The following ERMP1 variants were observed in gnomAD, a reference collection of about 807,000 sequenced individuals.
ERMP1 encodes the protein endoplasmic reticulum metallopeptidase 1, also known as Felix-ina.
ERMP1 carries 86 observed loss-of-function variants against 92.0 expected under a neutral mutation model. That is an observed-to-expected ratio of 0.93 (90% confidence interval 0.79 to 1.12). The LOEUF (loss-of-function observed/expected upper bound fraction) is 1.12. ERMP1 is among the 50% of genes most tolerant of loss of function. ERMP1 has a pLI of 0.00. For synonymous variants in ERMP1, 530 were observed against 412.8 expected (o/e 1.28, Z -3.44); for missense variants, 1,342 against 1,116.3 (o/e 1.20, Z -2.88).
At chr9:5,790,859 G>C (rs1050225569) in intron 13 of ERMP1, among the ~76,000 whole-genome samples, 3 of 152,150 alleles carry the variant, frequency 2.0e-5, no homozygotes, top group Non-Finnish European at 4.4e-5. Flanking sequence ...CATCAATTGA[G>C]CTTTGTGGGG....
intron 10 of ERMP1, among the ~76,000 whole-genome samples, chr9:5,804,513 T>C (rs1450740700): frequency 4.6e-5 from 7 of 152,214 alleles, no homozygotes; most frequent in African/African-American, 1.7e-4. Context: ...AAGGCACGTT[T>C]GGGTGTCATA....
intron 13 of ERMP1, among the ~76,000 whole-genome samples, chr9:5,788,017 A>G (rs1205535212): frequency 6.6e-6 from 1 of 152,232 alleles, no homozygotes; most frequent in Non-Finnish European, 1.5e-5. Context: ...ACCTTAAAAT[A>G]TGTTTTACTA....
intron 4 of ERMP1, among the ~76,000 whole-genome samples, chr9:5,823,376 C>T (rs1225996100): frequency 6.6e-6 from 1 of 152,152 alleles, no homozygotes; most frequent in East Asian, 1.9e-4. Context: ...CTGTTACATA[C>T]ACTACAGGTA....
chr9:5,790,847 C>T (rs1473193922), intron 13 of ERMP1, among the ~76,000 whole-genome samples: 2 of 152,078 alleles, frequency 1.3e-5, no homozygotes, highest in Admixed American at 6.5e-5. Flanking sequence ...CAGTACAAGA[C>T]ACATCAATTG....
At chr9:5,798,170 A>T (rs147754313) in intron 12 of ERMP1, among the ~76,000 whole-genome samples, 60 of 152,290 alleles carry the variant, frequency 3.9e-4, no homozygotes, top group Non-Finnish European at 5.9e-4. Context: ...ATTTCTTCTC[A>T]TCCAGTCCTT....
chr9:5,853,893 G>A (rs1830340197), intron 6 of ERMP1, among the ~76,000 whole-genome samples: 1 of 151,308 alleles, frequency 6.6e-6, no homozygotes, highest in Non-Finnish European at 1.5e-5. Context: ...AGGGTGGTGA[G>A]ACTCTCTGTC....
intron 9 of ERMP1, 23 bp from the exon 10 acceptor site, chr9:5,805,240 C>T (rs749546132): frequency 1.7e-5 from 26 of 1,563,896 alleles, no homozygotes; most frequent in Non-Finnish European, 1.8e-5. Context: ...AGAAAAAAAG[C>T]ACACATCTAT....
intron 6 of ERMP1, among the ~76,000 whole-genome samples, chr9:5,842,865 A>G (rs1371822827): frequency 6.6e-6 from 1 of 152,244 alleles, no homozygotes; most frequent in African/African-American, 2.4e-5. Context: ...GATTCTTTAG[A>G]AAAGGCTAAG....
intron 6 of ERMP1, chr9:5,856,367 A>C (rs1323997077): frequency 5.2e-6 from 1 of 193,988 alleles, no homozygotes; most frequent in East Asian, 1.8e-4. Flanking sequence ...GCTGGAGGCC[A>C]AACTTCTGGG....
At chr9:5,852,636 G>C (rs796266295) in intron 6 of ERMP1, among the ~76,000 whole-genome samples, 11 of 146,418 alleles carry the variant, frequency 7.5e-5, no homozygotes, top group African/African-American at 2.8e-4. Context: ...ACCATTTTAA[G>C]AATGTTTTAT....
intron 12 of ERMP1, 42 bp downstream of exon 12, chr9:5,798,764 T>C: frequency 7.5e-7 from 1 of 1,339,570 alleles, no homozygotes; most frequent in African/African-American, 1.5e-5. Flanking sequence ...GTGACAAGAC[T>C]TGAGAACAAA....
chr9:5,834,071 A>G (rs1223532968), upstream of ERMP1, among the ~76,000 whole-genome samples: 2 of 152,186 alleles, frequency 1.3e-5, no homozygotes, highest in East Asian at 1.9e-4. Flanking sequence ...ATTTCATACA[A>G]TGCCCTATAG....
chr9:5,811,162 T>G lies in ERMP1; in HGVS notation c.1276A>C (p.Met426Leu). 3 of 1,613,996 alleles carry G rather than the reference T, an allele frequency of 1.9e-6. No homozygotes were observed. Among genetic ancestry groups the G allele is most frequent in the Admixed American group, 3.3e-5 (2 of 60,018 alleles). ...IGSIINYMVV[M>L]GVVLYLGKKF... ...TTGCCCAGGTACAAAACAACACCCA[T>G]TACCACCATGTAGTTTATGATTGAG... The change falls in exon 7 of 15, where the codon ATG becomes CTG. Residue 426 changes from methionine to leucine, a missense_variant. By Grantham distance (15) the Met-to-Leu change is conservative (BLOSUM62 2). Coordinates refer to ENST00000339450, the MANE Select transcript of ERMP1 (RefSeq NM_024896.3).
chr9:5,798,690 G>A (rs1828546242), intron 12 of ERMP1, 116 bp downstream of exon 12: 3 of 573,198 alleles, frequency 5.2e-6, no homozygotes, highest in Non-Finnish European at 9.0e-6. Flanking sequence ...AGAAAAAATA[G>A]TACAAACACC....
chr9:5,820,298 C>G (rs12550991), intron 4 of ERMP1, among the ~76,000 whole-genome samples: 1,769 of 152,144 alleles, frequency 0.012, 14 homozygotes, highest in Non-Finnish European at 0.019. Flanking sequence ...GACTCCACCT[C>G]AAAAAGAAAA....
chr9:5,864,116 G>A (rs1426406911), intron 5 of ERMP1, among the ~76,000 whole-genome samples: 1 of 152,224 alleles, frequency 6.6e-6, no homozygotes, highest in African/African-American at 2.4e-5. Context: ...TAGTCATGAA[G>A]TAGCATGTCA....
At chr9:5,790,168 CCTTT>C (rs1282291553) in intron 13 of ERMP1, among the ~76,000 whole-genome samples, 2 of 147,622 alleles carry the variant, frequency 1.4e-5, no homozygotes, top group Non-Finnish European at 3.0e-5. Flanking sequence ...TAAAACAATA[CCTTT>C]TTTTTTTTTT....
intron 7 of ERMP1, 26 bp downstream of exon 7, chr9:5,811,085 T>C: frequency 6.6e-7 from 1 of 1,520,590 alleles, no homozygotes; most frequent in Non-Finnish European, 9.1e-7. Context: ...ATGCCAGTAT[T>C]TGTAGTTTTA....
At chr9:5,797,209 TTTTTTTTA>T (rs1305028494) in intron 13 of ERMP1, among the ~76,000 whole-genome samples, 1 of 151,812 alleles carries the variant, frequency 6.6e-6, no homozygotes, top group Non-Finnish European at 1.5e-5. Context: ...GCTAATTTTT[TTTTTTTTA>T]ATTTTGTAGA....
Sources: allele counts gnomAD v4.1 joint callset (sites outside exome capture counted in the v4.1 genomes callset), GRCh38; gene constraint gnomAD v4.1.1; transcripts MANE v1.5; gene names NCBI Gene and HGNC (gene_info 2026-07-23, HGNC 2026-07-21).